The following ARFGAP3 variants were observed in gnomAD, a reference collection of about 807,000 sequenced individuals.
ARFGAP3 encodes ADP-ribosylation factor GTPase-activating protein 3.
In ARFGAP3, 72 loss-of-function variants were observed where a neutral mutation model predicts 75.0. That is an observed-to-expected ratio of 0.96 (90% CI 0.79 to 1.17). The LOEUF is 1.17. ARFGAP3 is among the 50% of genes most tolerant of loss of function. The pLI is 0.00. For synonymous variants in ARFGAP3, 221 were observed against 217.9 expected (o/e 1.01, Z -0.13); for missense variants, 620 against 626.6 (o/e 0.99, Z 0.11).
Position 42,797,495 on chromosome 22 carries a change from C to CA in ARFGAP3, c.*92dup. On this transcript the variant is annotated 3_prime_UTR_variant, in exon 16 of 16. Coordinates refer to ENST00000263245, the MANE Select transcript of ARFGAP3 (RefSeq NM_014570.5). ...TATGAAAAAGTAGCAAAACAATCTG[C>CA]AAAACTATCTGGACTTCACTGCCGC... 2 of 1,531,820 alleles carry CA rather than the reference C, an allele frequency of 1.3e-6. No homozygotes were observed. Among genetic ancestry groups the CA allele is most frequent in the Non-Finnish European group, 1.8e-6 (2 of 1,109,698 alleles). The allele number at this position is 1,531,820 out of a possible 1,614,324, so 94.9% of individuals were successfully genotyped here. A position where few individuals can be genotyped will look rare whatever the true frequency, so the allele number is the denominator to read the frequency against.
In ARFGAP3 at chr22:42,797,565, A is replaced by T. The variant is rs956201579; in HGVS notation, c.*23T>A. 2.5e-6 allele frequency: 4 copies of T among 1,614,166 alleles called. No homozygotes were observed. The highest frequency in any genetic ancestry group is 3.4e-6 in the Non-Finnish European group (4 of 1,179,990). On this transcript the variant is annotated 3_prime_UTR_variant, in exon 16 of 16. Transcript: ENST00000263245. The stretch of plus-strand genomic sequence containing the variant: ...TCATTTAAAGAGGAATTTCTCCAGG[A>T]AATACACATCATGACTTCAGTATTA...
At chr22:42,832,950 G>A (rs972038807) in intron 5 of ARFGAP3, among the ~76,000 whole-genome samples, 33 of 151,432 alleles carry the variant, frequency 2.2e-4, no homozygotes, top group African/African-American at 6.3e-4. Context: ...GCGCCATTGC[G>A]CTACAGCCTG....
intron 9 of ARFGAP3, among the ~76,000 whole-genome samples, chr22:42,819,059 T>A (rs1204375455): frequency 1.3e-5 from 2 of 151,316 alleles, no homozygotes; most frequent in Non-Finnish European, 3.0e-5. Flanking sequence ...GCGATCTGCC[T>A]GCCTCTGCCT....
At chr22:42,816,076 T>C (rs973698405) in intron 11 of ARFGAP3, among the ~76,000 whole-genome samples, 8 of 152,192 alleles carry the variant, frequency 5.3e-5, no homozygotes, top group African/African-American at 1.7e-4. Context: ...ATCATGCTAC[T>C]GTACTCCAGC....
chr22:42,827,661 C>T (rs530898566), intron 6 of ARFGAP3, among the ~76,000 whole-genome samples: 21 of 152,276 alleles, frequency 1.4e-4, no homozygotes, highest in African/African-American at 4.1e-4. Flanking sequence ...CCACTGAACC[C>T]GGCCTAATAT....
chr22:42,844,797 G>C (rs2146580578), intron 2 of ARFGAP3, among the ~76,000 whole-genome samples: 1 of 152,154 alleles, frequency 6.6e-6, no homozygotes, highest in South Asian at 2.1e-4. Context: ...TCTCATCCTT[G>C]ACTTTTTCTT....
intron 6 of ARFGAP3, among the ~76,000 whole-genome samples, chr22:42,831,262 C>T (rs549815803): frequency 4.2e-5 from 6 of 141,978 alleles, no homozygotes; most frequent in Admixed American, 7.3e-5. Flanking sequence ...ACTCCAGCCT[C>T]GGCTACAGAG....
chr22:42,834,919 T>C (rs1422265042), intron 4 of ARFGAP3, among the ~76,000 whole-genome samples: 2 of 152,258 alleles, frequency 1.3e-5, no homozygotes, highest in East Asian at 1.9e-4. Flanking sequence ...ACTGAAGGGC[T>C]ATCTAATGTT....
At chr22:42,841,675 A>G (rs1399438150) in intron 2 of ARFGAP3, among the ~76,000 whole-genome samples, 1 of 152,180 alleles carries the variant, frequency 6.6e-6, no homozygotes, top group African/African-American at 2.4e-5. Context: ...CTGAATCCAC[A>G]GAAATGAGCA....
intron 14 of ARFGAP3, among the ~76,000 whole-genome samples, chr22:42,806,129 G>A (rs1925110223): frequency 6.6e-6 from 1 of 152,226 alleles, no homozygotes; most frequent in Admixed American, 6.5e-5. Context: ...TCTAGGCCTA[G>A]GGATGCTGAG....
At chr22:42,847,748 G>T in intron 1 of ARFGAP3, 116 bp from the exon 2 acceptor site, 3 of 1,253,614 alleles carry the variant, frequency 2.4e-6, no homozygotes, top group South Asian at 2.4e-5. Flanking sequence ...GTAAACTTTG[G>T]GATTGTATTA....
Position 42,818,668 on chromosome 22 carries a change from GATCT to G in ARFGAP3, c.813-815_813-812del, listed in dbSNP as rs151311808. 1.4e-3 allele frequency among the ~76,000 whole-genome samples: 220 copies of G among 151,744 alleles called. 2 individuals are homozygous for G. The East Asian group carries it at 0.035, about 24-fold the overall frequency. The stretch of plus-strand genomic sequence containing the variant: ...ACAACATTTCAGGGCCCTGAAAAAT[GATCT>G]ATCTAACTTACAAGGATTTCTAAGT... On this transcript the variant is annotated intron_variant, in intron 9 of 15. Transcript: ENST00000263245.
At chr22:42,821,249 C>T (rs974451325) in intron 9 of ARFGAP3, among the ~76,000 whole-genome samples, 3 of 152,132 alleles carry the variant, frequency 2.0e-5, no homozygotes, top group African/African-American at 4.8e-5. Flanking sequence ...ATTCACATAC[C>T]GTAAAACTCA....
chr22:42,852,956 G>A lies in ARFGAP3; in HGVS notation c.69+4158C>T, dbSNP rs528185827. Among the ~76,000 whole-genome samples, 13 of 152,138 alleles carry A rather than the reference G, an allele frequency of 8.5e-5. 1 individual carries two copies. In the South Asian group the frequency reaches 2.1e-3, roughly 24 times the overall value. On this transcript the variant is annotated intron_variant, in intron 1 of 15. Transcript: ENST00000263245. ...ATTTTTGTATTTTTGTAGAGACGGG[G>A]CTTCATCATGTTGGCCAGGCTGGTC...
intron 8 of ARFGAP3, among the ~76,000 whole-genome samples, chr22:42,823,300 C>T (rs549069155): frequency 2.0e-5 from 3 of 152,142 alleles, no homozygotes; most frequent in East Asian, 3.9e-4. Flanking sequence ...GCTGGTGCTC[C>T]GCAATGCTTC....
At position 42,797,419 on chromosome 22, in the gene ARFGAP3, C is replaced by T; in HGVS notation, c.*169G>A. ...AGAAATCACAGGAAAGCTCCTACAT[C>T]AGAACTCAGAATTTCTCAAAAGAAA... On this transcript the variant is annotated 3_prime_UTR_variant, in exon 16 of 16. Coordinates refer to ENST00000263245, the MANE Select transcript of ARFGAP3 (RefSeq NM_014570.5). The T allele has an allele frequency of 4.9e-6, 4 of 823,246 alleles. No homozygotes were observed. Among genetic ancestry groups the T allele is most frequent in the Non-Finnish European group, 7.7e-6 (4 of 521,236 alleles). 51.0% of individuals were successfully genotyped at this position (823,246 alleles called of 1,614,324 possible).
chr22:42,832,425 G>A (rs1926335547), intron 5 of ARFGAP3, among the ~76,000 whole-genome samples: 1 of 151,794 alleles, frequency 6.6e-6, no homozygotes, highest in African/African-American at 2.4e-5. Flanking sequence ...CAACTACTTG[G>A]GAGGCTGAGG....
Position 42,817,677 on chromosome 22 carries a change from A to ATGAT in ARFGAP3, c.941+48_941+51dup, listed in dbSNP as rs1169530682. 10 of 1,431,160 alleles carry ATGAT rather than the reference A, an allele frequency of 7.0e-6. 1 individual carries two copies. The highest frequency in any genetic ancestry group is 9.7e-6 in the Non-Finnish European group (10 of 1,032,902). The allele number at this position is 1,431,160 out of a possible 1,614,324, so 88.7% of individuals were successfully genotyped here. ...AACACAGTCCAAGAAAAATCCACTG[A>ATGAT]TGATTGACACACTGTTTTAAATTCT... On this transcript the variant is annotated intron_variant, in intron 10 of 15. Transcript: ENST00000263245.
chr22:42,850,872 G>A (rs542075939), intron 1 of ARFGAP3, among the ~76,000 whole-genome samples: 1 of 152,358 alleles, frequency 6.6e-6, no homozygotes, highest in East Asian at 1.9e-4. Flanking sequence ...AGGTGATGAG[G>A]TATGAAAAAG....
Sources: allele counts gnomAD v4.1 joint callset (sites outside exome capture counted in the v4.1 genomes callset), GRCh38; gene constraint gnomAD v4.1.1; transcripts MANE v1.5; gene names NCBI Gene and HGNC (gene_info 2026-07-23, HGNC 2026-07-21).